The following DYNC1H1 variants were observed in gnomAD, a reference collection of about 807,000 sequenced individuals.
DYNC1H1 encodes the protein cytoplasmic dynein 1 heavy chain 1.
Under a neutral mutation model 527.1 loss-of-function variants are expected in DYNC1H1, and 51 were observed. The observed-to-expected ratio is 0.10, with a 90% CI of 0.08 to 0.12. DYNC1H1 has a LOEUF of 0.12. Among genes scored for constraint, DYNC1H1 ranks in the 10% least tolerant of loss-of-function variants. The probability of loss-of-function intolerance (pLI) is 1.00; values close to 1 mark genes in which losing one functional copy is unlikely to be tolerated. For synonymous variants in DYNC1H1, 2,189 were observed against 2,278.8 expected, an observed-to-expected ratio of 0.96 and a Z score of 1.12; for missense variants, 2,771 against 5,971.8, an observed-to-expected ratio of 0.46 and a Z score of 17.66.
rs889813695 is a variant in DYNC1H1 at position 102,011,429 on chromosome 14, T to C, written c.6619-446T>C. ...GAACACATAGCTCATCCATTGGGTC[T>C]CTTGTTGTCCTCGGCGGGATCTGAT... On this transcript the variant is annotated intron_variant, in intron 32 of 77. Coordinates refer to ENST00000360184, the MANE Select transcript of DYNC1H1 (RefSeq NM_001376.5). This position sits in a 1 kb window ranked among gnomAD's most constrained non-coding sequence, Gnocchi z 5.3. The C allele has an allele frequency of 5.0e-5, 17 of 342,908 alleles. No individual in the cohort carries two copies. Among genetic ancestry groups the C allele is most frequent in the African/African-American group, 3.6e-4 (17 of 46,712 alleles). The allele number at this position is 342,908 out of a possible 1,614,324, so 21.2% of individuals were successfully genotyped here.
rs2048695663 is a variant in DYNC1H1, at chr14:102,044,761, G to GGTGGCGAGGGTCCCCACACGCAGGGTGA, written c.13006+67_13006+94dup. ...GGCGAGGGTCCCCTCACGCGGGGTG[G>GGTGGCGAGGGTCCCCACACGCAGGGTGA]GTGGCGAGGGTCCCCACACGCAGGG... On this transcript the variant is annotated intron_variant, in intron 72 of 77. Coordinates refer to ENST00000360184, the MANE Select transcript of DYNC1H1 (RefSeq NM_001376.5). The surrounding 1 kb of genome is among the most constrained non-coding windows in gnomAD (Gnocchi z 7.1). 3.5e-6 allele frequency: 5 copies of GGTGGCGAGGGTCCCCACACGCAGGGTGA among 1,410,968 alleles called. No homozygotes were observed. In the East Asian group the frequency reaches 1.1e-4, roughly 32 times the overall value. 87.4% of individuals were successfully genotyped at this position (1,410,968 alleles called of 1,614,324 possible).
At chr14:102,003,049 C>A in intron 23 of DYNC1H1, 84 bp downstream of exon 23, 1 of 1,572,310 alleles carries the variant, frequency 6.4e-7, no homozygotes, top group Non-Finnish European at 8.7e-7. Context: ...CCCTTCTGGG[C>A]CTGTGTTTGT....
At position 102,041,061 on chromosome 14, in the gene DYNC1H1, A is replaced by C. The variant is rs1721300467; in HGVS notation, c.11941+388A>C. On this transcript the variant is annotated intron_variant, in intron 64 of 77. Transcript: ENST00000360184. This position sits in a 1 kb window ranked among gnomAD's most constrained non-coding sequence, Gnocchi z 4.5. ...CTAGGTAGGTGTTGGCTTAGAAGTA[A>C]ATCAGAAATTTCCAATTCCTATTCA... is the stretch of plus-strand genomic sequence containing the variant. The C allele has an allele frequency of 5.7e-6, 2 of 353,868 alleles. No homozygotes were observed. Among genetic ancestry groups the C allele is most frequent in the South Asian group, 2.5e-5 (1 of 39,862 alleles). 21.9% of individuals were successfully genotyped at this position (353,868 alleles called of 1,614,324 possible). A position where few individuals can be genotyped will look rare whatever the true frequency, so the allele number is the denominator to read the frequency against.
chr14:102,047,635 G>GTATATATATATATATATATA (rs1434959122), intron 72 of DYNC1H1, 182 bp from the exon 73 acceptor site: 1 of 399,126 alleles, frequency 2.5e-6, no homozygotes, highest in African/African-American at 4.1e-5. Context: ...GTGTGTGTGT[G>GTATATATATATATATATATA]TGTGTGTATA....
Position 102,042,348 on chromosome 14 carries a change from C to G in DYNC1H1, c.12276-36C>G, listed in dbSNP as rs751395688. The G allele has an allele frequency of 1.2e-6, 2 of 1,614,192 alleles. No individual in the cohort carries two copies. Among genetic ancestry groups the G allele is most frequent in the South Asian group, 1.1e-5 (1 of 91,086 alleles). The stretch of plus-strand genomic sequence containing the variant: ...GTCCCCAGGCATTCAGGCAGGCAGC[C>G]TGGCATGCTGTGTGACTCTCACTTT... On this transcript the variant is annotated intron_variant, in intron 67 of 77. Coordinates refer to ENST00000360184, the MANE Select transcript of DYNC1H1 (RefSeq NM_001376.5). This position sits in a 1 kb window ranked among gnomAD's most constrained non-coding sequence, Gnocchi z 5.7.
In DYNC1H1 at chr14:101,986,178, T is replaced by C. The variant is rs1243788454; in HGVS notation, c.1953T>C (p.Ala651=). 4.3e-6 allele frequency: 7 copies of C among 1,614,064 alleles called. No homozygotes were observed. The highest frequency in any genetic ancestry group is 5.9e-6 in the Non-Finnish European group (7 of 1,180,042). Residue 651 remains alanine (A), a synonymous_variant, in exon 8 of 78, where the codon GCT becomes GCC. Transcript: ENST00000360184. The surrounding 1 kb of genome is among the most constrained non-coding windows in gnomAD (Gnocchi z 8.7). ...CTGTGTCAGGGTCTATCATCTGGGC[T>C]AAACAGATCGACAGGCAGCTGACGG... ...LPPVSGSIIW[A]KQIDRQLTAY...
At position 101,986,599 on chromosome 14, in the gene DYNC1H1, T is replaced by G. The variant is rs752495590; in HGVS notation, c.2374T>G (p.Cys792Gly). The G allele has an allele frequency of 3.1e-6, 5 of 1,613,344 alleles. 1 individual carries two copies. Among genetic ancestry groups the G allele is most frequent in the Non-Finnish European group, 4.2e-6 (5 of 1,179,348 alleles). ...IESVRTYERT[C>G]EKVEERNTIS... ...GAGCGTTCGTACCTATGAACGGACC[T>G]GCGAGAAGGTGGAGGAGCGGAACAC... Residue 792 changes from cysteine (C) to glycine (G), a missense_variant, in exon 8 of 78, where the codon TGC becomes GGC. Coordinates refer to ENST00000360184, the MANE Select transcript of DYNC1H1 (RefSeq NM_001376.5). The surrounding 1 kb of genome is among the most constrained non-coding windows in gnomAD (Gnocchi z 8.7).
Position 102,022,736 on chromosome 14 carries a change from C to A in DYNC1H1, c.8508-15C>A. 6.2e-7 allele frequency: 1 copy of A among 1,614,010 alleles called. No homozygotes were observed. ...CCCTCTAGTTACCTAAATGCACATGCTGCTCTCCCCACAGACTCGTAGAGG... is the reference window on the plus strand; with the variant it reads ...CCCTCTAGTTACCTAAATGCACATGATGCTCTCCCCACAGACTCGTAGAGG... On this transcript the variant is annotated splice_polypyrimidine_tract_variant and intron_variant, in intron 42 of 77. Transcript: ENST00000360184.
rs71468380 is a variant in DYNC1H1, at chr14:102,003,266, CT to C, written c.4883+315del. Among the ~76,000 whole-genome samples the C allele has an allele frequency of 0.11, 15,251 of 141,186 alleles. 1,114 individuals are homozygous for C. The highest frequency in any genetic ancestry group is 0.23 in the African/African-American group (8,833 of 38,112). 92.6% of individuals were successfully genotyped at this position (141,186 alleles called of 152,430 possible). ...TTCAGTGTTTATCTCTGGCAGTTTT[CT>C]TTTTTTTTTTTTTGAGATGGAGTCT... On this transcript the variant is annotated intron_variant, in intron 23 of 77. Transcript: ENST00000360184.
At chr14:102,032,843 ACC>A (rs1478813895) in intron 52 of DYNC1H1, 5 of 594,812 alleles carry the variant, frequency 8.4e-6, no homozygotes, top group Non-Finnish European at 1.5e-5. Flanking sequence ...ACAGAGAAAA[ACC>A]CTGTCTCATT....
Position 102,038,521 on chromosome 14 carries a change from G to C in DYNC1H1, c.10970G>C (p.Gly3657Ala), listed in dbSNP as rs761427653. Residue 3657 changes from glycine to alanine, a missense_variant, in exon 58 of 78, where the codon GGG becomes GCG. By Grantham distance (60) the Gly-to-Ala change is moderately conservative. Transcript: ENST00000360184. The surrounding 1 kb of genome is among the most constrained non-coding windows in gnomAD (Gnocchi z 7.2). Reference protein sequence around the residue: ...PVLNREVRRTGGRVLITLGDQ... With the variant: ...PVLNREVRRTAGRVLITLGDQ... ...CTGAACCGTGAAGTGCGGCGAACAG[G>C]GGGGAGAGTGCTGATCACTCTCGGG... 37 of 1,614,054 alleles carry C rather than the reference G, an allele frequency of 2.3e-5. No homozygotes were observed. In the Middle Eastern group the frequency reaches 9.9e-4, roughly 43 times the overall value.
rs2048775221 is a variant in DYNC1H1, at chr14:102,049,562, G to A, written c.13495G>A (p.Gly4499Ser). The part of the protein sequence containing the change: ...LQNISLAAAS[G>S]GAKELKNIHV... ...GAACATCTCACTGGCAGCTGCATCT[G>A]GTGGCGCCAAGGAGCTAAAGGTGAA... Residue 4499 changes from glycine to serine, a missense_variant, in exon 75 of 78, where the codon GGT (glycine) becomes AGT (serine). Physicochemically the swap from Gly to Ser is moderately conservative, Grantham distance 56. Around this residue, in one of 32 missense-constraint regions of DYNC1H1, gnomAD observed 170 missense variants for 249.8 expected, o/e 0.68. Coordinates refer to ENST00000360184, the MANE Select transcript of DYNC1H1 (RefSeq NM_001376.5). The surrounding 1 kb of genome is among the most constrained non-coding windows in gnomAD (Gnocchi z 5.5). 2 of 1,614,118 alleles carry A rather than the reference G, an allele frequency of 1.2e-6. No individual in the cohort carries two copies. The highest frequency in any genetic ancestry group is 1.7e-6 in the Non-Finnish European group (2 of 1,180,028).
Position 102,036,455 on chromosome 14 carries a change from G to C in DYNC1H1, c.10755-34G>C. The stretch of plus-strand genomic sequence containing the variant: ...TGATCCTGTGCTTTCCCCATTCGGT[G>C]TTTCAACCTTCTCTTCTGTGGCCTC... On this transcript the variant is annotated intron_variant, in intron 56 of 77. Coordinates refer to ENST00000360184, the MANE Select transcript of DYNC1H1 (RefSeq NM_001376.5). This position sits in a 1 kb window ranked among gnomAD's most constrained non-coding sequence, Gnocchi z 5.6. 1 of 1,612,230 alleles carries C rather than the reference G, an allele frequency of 6.2e-7. No homozygotes were observed. Among genetic ancestry groups the C allele is most frequent in the South Asian group, 1.1e-5 (1 of 90,978 alleles).
chr14:101,988,978 A>G, intron 10 of DYNC1H1, 126 bp downstream of exon 10: 7 of 1,319,460 alleles, frequency 5.3e-6, no homozygotes, highest in Non-Finnish European at 7.4e-6. Context: ...CAGGTGATGA[A>G]GGTCAGCCTC....
In DYNC1H1 at chr14:102,038,289, T is replaced by C; in HGVS notation, c.10909-171T>C. 1 of 1,159,216 alleles carries C rather than the reference T, an allele frequency of 8.6e-7. No homozygotes were observed. Among genetic ancestry groups the C allele is most frequent in the South Asian group, 1.3e-5 (1 of 75,152 alleles). The allele number at this position is 1,159,216 out of a possible 1,614,324, so 71.8% of individuals were successfully genotyped here. Reference sequence around the variant, plus strand: ...CCACCGCATCTGGCTGAGTTTTTAATTTTAGTTCATTTAAATGTAAGTAGC... The same window carrying C: ...CCACCGCATCTGGCTGAGTTTTTAACTTTAGTTCATTTAAATGTAAGTAGC... On this transcript the variant is annotated intron_variant, in intron 57 of 77. Coordinates refer to ENST00000360184, the MANE Select transcript of DYNC1H1 (RefSeq NM_001376.5). This position sits in a 1 kb window ranked among gnomAD's most constrained non-coding sequence, Gnocchi z 7.2.
At position 102,042,295 on chromosome 14, in the gene DYNC1H1, C is replaced by G. The variant is rs778316869; in HGVS notation, c.12275+7C>G. 2.5e-6 allele frequency: 4 copies of G among 1,614,116 alleles called. No homozygotes were observed. The Admixed American group carries it at 6.7e-5, about 27-fold the overall frequency. On this transcript the variant is annotated splice_region_variant and intron_variant, in intron 67 of 77. Coordinates refer to ENST00000360184, the MANE Select transcript of DYNC1H1 (RefSeq NM_001376.5). This position sits in a 1 kb window ranked among gnomAD's most constrained non-coding sequence, Gnocchi z 5.7. ...CCGCTGTAAAGTCGGGCAGGTAGGCCTGTTCTCTTTGGCTGAAGAAAGCCT... is the reference window on the plus strand; with the variant it reads ...CCGCTGTAAAGTCGGGCAGGTAGGCGTGTTCTCTTTGGCTGAAGAAAGCCT...
chr14:102,001,528 A>G lies in DYNC1H1; in HGVS notation c.4396-7A>G. 2 of 1,614,178 alleles carry G rather than the reference A, an allele frequency of 1.2e-6. No individual in the cohort carries two copies. Among genetic ancestry groups the G allele is most frequent in the Non-Finnish European group, 1.7e-6 (2 of 1,180,026 alleles). On this transcript the variant is annotated splice_polypyrimidine_tract_variant and splice_region_variant and intron_variant, in intron 20 of 77. Coordinates refer to ENST00000360184, the MANE Select transcript of DYNC1H1 (RefSeq NM_001376.5). This position sits in a 1 kb window ranked among gnomAD's most constrained non-coding sequence, Gnocchi z 5.0. Reference sequence around the variant, plus strand: ...TGATAACATGCATCTTTCTGGTTTGAATTCAGATAAGAGAAGTGTGGAATA... The same window carrying G: ...TGATAACATGCATCTTTCTGGTTTGGATTCAGATAAGAGAAGTGTGGAATA...
Position 102,015,401 on chromosome 14 carries a change from T to C in DYNC1H1, c.7242+69T>C. ...AGGATATTCAGATGTGGTCTCGCTG[T>C]GTTGCCCACGCTGGTCTTGAACTCC... On this transcript the variant is annotated intron_variant, in intron 35 of 77. Coordinates refer to ENST00000360184, the MANE Select transcript of DYNC1H1 (RefSeq NM_001376.5). This position sits in a 1 kb window ranked among gnomAD's most constrained non-coding sequence, Gnocchi z 6.9. 1 of 1,499,770 alleles carries C rather than the reference T, an allele frequency of 6.7e-7. No homozygotes were observed. Among genetic ancestry groups the C allele is most frequent in the Non-Finnish European group, 9.0e-7 (1 of 1,111,004 alleles). 92.9% of individuals were successfully genotyped at this position (1,499,770 alleles called of 1,614,324 possible).
rs1049819826 is a variant in DYNC1H1 at position 102,011,398 on chromosome 14, G to A, written c.6618+446G>A. On this transcript the variant is annotated intron_variant, in intron 32 of 77. Transcript: ENST00000360184. The surrounding 1 kb of genome is among the most constrained non-coding windows in gnomAD (Gnocchi z 5.3). ...GTGTTTGGCCTGAGAGATGCTGTACGGGATTGAACACATAGCTCATCCATT... is the reference window on the plus strand; with the variant it reads ...GTGTTTGGCCTGAGAGATGCTGTACAGGATTGAACACATAGCTCATCCATT... The A allele has an allele frequency of 5.8e-6, 2 of 347,738 alleles. No homozygotes were observed. Among genetic ancestry groups the A allele is most frequent in the South Asian group, 2.3e-5 (1 of 43,220 alleles). The allele number at this position is 347,738 out of a possible 1,614,324, so 21.5% of individuals were successfully genotyped here.
Sources: allele counts gnomAD v4.1 joint callset (sites outside exome capture counted in the v4.1 genomes callset), GRCh38; gene constraint gnomAD v4.1.1; regional missense constraint gnomAD v4.1.1; non-coding constraint Gnocchi (gnomAD v3.1); transcripts MANE v1.5; gene names NCBI Gene and HGNC (gene_info 2026-07-23, HGNC 2026-07-21).